The following TNFAIP2 variants were observed in gnomAD, a reference collection of about 807,000 sequenced individuals.
The protein encoded by TNFAIP2 is tumor necrosis factor alpha-induced protein 2.
Under a neutral mutation model 63.5 loss-of-function variants are expected in TNFAIP2, and 47 were observed. The observed-to-expected ratio is 0.74, with a 90% CI of 0.59 to 0.94. The LOEUF (loss-of-function observed/expected upper bound fraction) is 0.94, where lower values mean the gene tolerates loss of function less well. TNFAIP2 is among the 40% of genes least tolerant of loss of function. The pLI is 0.00. For synonymous variants in TNFAIP2, 405 were observed against 390.2 expected, an observed-to-expected ratio of 1.04 and a Z score of -0.45; for missense variants, 787 against 850.2, an observed-to-expected ratio of 0.93 and a Z score of 0.92.
At chr14:103,132,673 C>G in intron 8 of TNFAIP2, 77 bp from the exon 9 acceptor site, 4 of 1,132,534 alleles carry the variant, frequency 3.5e-6, no homozygotes, top group Non-Finnish European at 4.7e-6. Context: ...GTGTCTGTGT[C>G]TGCGTGTCTG....
In TNFAIP2 at chr14:103,132,717, G is replaced by A. The variant is rs776111074; in HGVS notation, c.1423-33G>A. 1.9e-6 allele frequency: 3 copies of A among 1,603,652 alleles called. No individual in the cohort carries two copies. In the South Asian group the frequency reaches 3.4e-5, roughly 18 times the overall value. On this transcript the variant is annotated intron_variant, in intron 8 of 11. Coordinates refer to ENST00000560869, the MANE Select transcript of TNFAIP2 (RefSeq NM_006291.4). ...CGGCTGGCAGCCCTTCCTCTCCAGG[G>A]CGTGACTAGACATCCTGCCTCTCCT...
In TNFAIP2 at chr14:103,135,549, A is replaced by C. The variant is rs906109135; in HGVS notation, c.*189A>C. 3 of 1,443,444 alleles carry C rather than the reference A, an allele frequency of 2.1e-6. No homozygotes were observed. Among genetic ancestry groups the C allele is most frequent in the Admixed American group, 2.8e-5 (1 of 35,286 alleles). 89.4% of individuals were successfully genotyped at this position (1,443,444 alleles called of 1,614,324 possible). ...ACTGGACAGACCTTGGTTTGTTTAC[A>C]TGTCCGATGGGGGCAGGAGCTCCCA... On this transcript the variant is annotated 3_prime_UTR_variant, in exon 12 of 12. Transcript: ENST00000560869. This position sits in a 1 kb window ranked among gnomAD's most constrained non-coding sequence, Gnocchi z 7.6.
chr14:103,129,042 C>G (rs147690661), intron 3 of TNFAIP2, among the ~76,000 whole-genome samples: 7 of 152,326 alleles, frequency 4.6e-5, no homozygotes, highest in Non-Finnish European at 7.4e-5. Context: ...AGACAAAGGG[C>G]CCTTAGGAAG....
chr14:103,133,729 G>T lies in TNFAIP2; in HGVS notation c.1749G>T (p.Glu583Asp). The change falls in exon 11 of 12, where the codon GAG becomes GAT. Residue 583 changes from glutamate to aspartate, a missense_variant. Coordinates refer to ENST00000560869, the MANE Select transcript of TNFAIP2 (RefSeq NM_006291.4). ...WLQPALPTLA[E>D]IIRLQDPSAI... is the part of the protein sequence containing the mutation. ...AGCCTGCTCTCCCTACGCTGGCCGA[G>T]ATCATTCGCCTGCAGGACCCCAGTG... 6.3e-7 allele frequency: 1 copy of T among 1,597,546 alleles called. No individual in the cohort carries two copies.
At position 103,136,407 on chromosome 14, in the gene TNFAIP2, G is replaced by A. The variant is rs1397791660; in HGVS notation, c.*1047G>A. 1 of 152,908 alleles carries A rather than the reference G, an allele frequency of 6.5e-6. No individual in the cohort carries two copies. The highest frequency in any genetic ancestry group is 1.5e-5 in the Non-Finnish European group (1 of 68,592). 9.5% of individuals were successfully genotyped at this position (152,908 alleles called of 1,614,324 possible). Reference sequence around the variant, plus strand: ...ATTTCTGGCCTTTTCATTTTTAGAGGCTGACCGTAATTCTTGACTTCAGGC... The same window carrying A: ...ATTTCTGGCCTTTTCATTTTTAGAGACTGACCGTAATTCTTGACTTCAGGC... On this transcript the variant is annotated 3_prime_UTR_variant, in exon 12 of 12. Coordinates refer to ENST00000560869, the MANE Select transcript of TNFAIP2 (RefSeq NM_006291.4).
chr14:103,131,397 G>C lies in TNFAIP2; in HGVS notation c.1299-242G>C, dbSNP rs896443763. 3.9e-5 allele frequency among the ~76,000 whole-genome samples: 6 copies of C among 152,184 alleles called. No individual in the cohort carries two copies. Among genetic ancestry groups the C allele is most frequent in the Non-Finnish European group, 7.3e-5 (5 of 68,028 alleles). ...AAAGCAACCCTGTGAAGTAGGTATA[G>C]TGATCTGTCTATTAGGCAGATGGGC... On this transcript the variant is annotated intron_variant, in intron 7 of 11. Coordinates refer to ENST00000560869, the MANE Select transcript of TNFAIP2 (RefSeq NM_006291.4). This position sits in a 1 kb window ranked among gnomAD's most constrained non-coding sequence, Gnocchi z 4.0.
At position 103,131,188 on chromosome 14, in the gene TNFAIP2, A is replaced by G. The variant is rs749205; in HGVS notation, c.1298+38A>G. 2.9e-3 allele frequency: 4,626 copies of G among 1,607,386 alleles called. 89 individuals carry two copies. In the African/African-American group the frequency reaches 0.051, roughly 18 times the overall value. ...GGAGGGGCTTGCGGGAGTGGGAGTC[A>G]CTCAGCGGGCAGGAGAGGGGAGCTG... On this transcript the variant is annotated intron_variant, in intron 7 of 11. Coordinates refer to ENST00000560869, the MANE Select transcript of TNFAIP2 (RefSeq NM_006291.4). This position sits in a 1 kb window ranked among gnomAD's most constrained non-coding sequence, Gnocchi z 4.0.
intron 9 of TNFAIP2, 122 bp downstream of exon 9, chr14:103,132,994 G>C: frequency 6.9e-7 from 1 of 1,459,078 alleles, no homozygotes; most frequent in Non-Finnish European, 9.3e-7. Context: ...GAACACACGT[G>C]AATGCACGAG....
rs1013825394 is a variant in TNFAIP2 at position 103,137,048 on chromosome 14, C to G, written c.*1688C>G. 3 of 152,324 alleles carry G rather than the reference C, an allele frequency of 2.0e-5. No homozygotes were observed. The highest frequency in any genetic ancestry group is 4.8e-5 in the African/African-American group (2 of 41,468). 9.4% of individuals were successfully genotyped at this position (152,324 alleles called of 1,614,324 possible). ...CCCCTGCCCTGCCGGGCACCTCGCT[C>G]TACCCCAGGAAAATGTGAGCTCGTT... On this transcript the variant is annotated 3_prime_UTR_variant, in exon 12 of 12. Coordinates refer to ENST00000560869, the MANE Select transcript of TNFAIP2 (RefSeq NM_006291.4).
At position 103,125,907 on chromosome 14, in the gene TNFAIP2, C is replaced by T. The variant is rs1185694156; in HGVS notation, c.-148-403C>T. On this transcript the variant is annotated intron_variant, in intron 1 of 11. Transcript: ENST00000560869. ...TTCTGGACCTCTGTTCCTGCTCTGT[C>T]CAAAGGGACAGAGCCCATGCCCCGC... 3.3e-5 allele frequency among the ~76,000 whole-genome samples: 5 copies of T among 152,176 alleles called. No homozygotes were observed. In the South Asian group the frequency reaches 6.2e-4, roughly 19 times the overall value.
At chr14:103,130,991 G>A in intron 6 of TNFAIP2, 61 bp from the exon 7 acceptor site, 2 of 1,555,454 alleles carry the variant, frequency 1.3e-6, no homozygotes, top group Non-Finnish European at 1.8e-6. Flanking sequence ...GGGCAGGGAG[G>A]CTGCTGCTGT....
In TNFAIP2 at chr14:103,127,251, A is replaced by T; in HGVS notation, c.482A>T (p.Gln161Leu). ...CAGGCGCTGGCCGTGGTGGCGGAGCAGGAGCGCGAGGACCGCCAGGCGGCG... is the reference window on the plus strand; with the variant it reads ...CAGGCGCTGGCCGTGGTGGCGGAGCTGGAGCGCGAGGACCGCCAGGCGGCG... ...LRQALAVVAE[Q>L]EREDRQAAAA... The change falls in exon 3 of 12, where the codon CAG becomes CTG. Residue 161 changes from glutamine to leucine, a missense_variant. Gln to Leu is a moderately radical substitution (Grantham distance 113, BLOSUM62 -2). Transcript: ENST00000560869. The surrounding 1 kb of genome is among the most constrained non-coding windows in gnomAD (Gnocchi z 5.1). 9.7e-7 allele frequency: 1 copy of T among 1,029,066 alleles called. No homozygotes were observed. The highest frequency in any genetic ancestry group is 3.7e-5 in the South Asian group (1 of 26,696). 63.7% of individuals were successfully genotyped at this position (1,029,066 alleles called of 1,614,324 possible). A position where few individuals can be genotyped will look rare whatever the true frequency, so the allele number is the denominator to read the frequency against.
chr14:103,125,820 G>T (rs1021060825), intron 1 of TNFAIP2, among the ~76,000 whole-genome samples: 1 of 152,232 alleles, frequency 6.6e-6, no homozygotes, highest in African/African-American at 2.4e-5. Flanking sequence ...CTGGGCAGGA[G>T]GAGGCTGGGT....
chr14:103,133,855 C>G, intron 11 of TNFAIP2, 52 bp downstream of exon 11: 7 of 1,539,232 alleles, frequency 4.5e-6, no homozygotes, highest in Non-Finnish European at 6.1e-6. Context: ...TGGCCAAGGC[C>G]TCACAGGGCT....
At chr14:103,122,874 G>T (rs1237532706), upstream of TNFAIP2, 1 of 454,484 alleles carries the variant, frequency 2.2e-6, no homozygotes, top group Non-Finnish European at 4.4e-6. Flanking sequence ...CCGCATTTAC[G>T]CATTTCAAGC....
chr14:103,135,509 G>C lies in TNFAIP2; in HGVS notation c.*149G>C. On this transcript the variant is annotated 3_prime_UTR_variant, in exon 12 of 12. Coordinates refer to ENST00000560869, the MANE Select transcript of TNFAIP2 (RefSeq NM_006291.4). The surrounding 1 kb of genome is among the most constrained non-coding windows in gnomAD (Gnocchi z 7.6). ...CTGCCTAGCCCTGGCGGAGGTGCAGGCCCTGTCAGCTGGAACTGGACAGAC... is the reference window on the plus strand; with the variant it reads ...CTGCCTAGCCCTGGCGGAGGTGCAGCCCCTGTCAGCTGGAACTGGACAGAC... 1 of 1,491,544 alleles carries C rather than the reference G, an allele frequency of 6.7e-7. No homozygotes were observed. Among genetic ancestry groups the C allele is most frequent in the Non-Finnish European group, 8.9e-7 (1 of 1,129,906 alleles). The allele number at this position is 1,491,544 out of a possible 1,614,324, so 92.4% of individuals were successfully genotyped here. A position where few individuals can be genotyped will look rare whatever the true frequency, so the allele number is the denominator to read the frequency against.
Position 103,133,721 on chromosome 14 carries a change from C to G in TNFAIP2, c.1741C>G (p.Leu581Val), listed in dbSNP as rs1296745476. 1.3e-6 allele frequency: 2 copies of G among 1,596,194 alleles called. No homozygotes were observed. Among genetic ancestry groups the G allele is most frequent in the Non-Finnish European group, 1.7e-6 (2 of 1,175,636 alleles). ...CTGGCTGCAGCCTGCTCTCCCTACG[C>G]TGGCCGAGATCATTCGCCTGCAGGA... ...ATWLQPALPT[L>V]AEIIRLQDPS... The change falls in exon 11 of 12, where the codon CTG becomes GTG. Residue 581 changes from leucine to valine, a missense_variant. By Grantham distance (32) the Leu-to-Val change is conservative. Transcript: ENST00000560869.
chr14:103,129,981 G>A (rs1334102802), intron 4 of TNFAIP2, 21 bp from the exon 5 acceptor site: 1 of 1,610,306 alleles, frequency 6.2e-7, no homozygotes, highest in African/African-American at 1.3e-5. Flanking sequence ...GTGCCCCAGT[G>A]ACCTGCCCCT....
Position 103,130,428 on chromosome 14 carries a change from C to T in TNFAIP2, c.1199+13C>T, listed in dbSNP as rs747334293. 3 of 1,553,528 alleles carry T rather than the reference C, an allele frequency of 1.9e-6. No homozygotes were observed. The highest frequency in any genetic ancestry group is 2.6e-6 in the Non-Finnish European group (3 of 1,148,674). ...CGTTCCTGAGGAGGTGGGTGTGTGC[C>T]CAGGATGGGGTCCCTGTAGCCACCG... On this transcript the variant is annotated intron_variant, in intron 6 of 11. Transcript: ENST00000560869.
Sources: allele counts gnomAD v4.1 joint callset (sites outside exome capture counted in the v4.1 genomes callset), GRCh38; gene constraint gnomAD v4.1.1; non-coding constraint Gnocchi (gnomAD v3.1); transcripts MANE v1.5; gene names NCBI Gene and HGNC (gene_info 2026-07-23, HGNC 2026-07-21).